MAP2K6: variants seen among roughly 807,000 people sequenced by gnomAD.
MAP2K6 encodes dual specificity mitogen-activated protein kinase kinase 6.
In MAP2K6, 16 loss-of-function variants were observed where a neutral mutation model predicts 53.7. The ratio of observed to expected loss-of-function variants is 0.30; its 90% CI spans 0.20 to 0.45. The LOEUF is 0.45. Ranked by LOEUF, MAP2K6 falls within the 20% of genes least tolerant of loss-of-function variation. The pLI, the probability that MAP2K6 is intolerant of heterozygous loss-of-function variation, is 1.00. For synonymous variants in MAP2K6, 132 were observed against 143.1 expected (o/e 0.92, Z 0.55); for missense variants, 204 against 411.9 (o/e 0.50, Z 4.37).
At position 69,550,681 on chromosome 17, in the gene MAP2K6, A is replaced by C. The variant is rs1391127863; in HGVS notation, c.*8928A>C. ...CAGACCATATTCAGTGGTGCCCCTG[A>C]GGGTCTCTTGTGAACAGAAGGGAAA... On this transcript the variant is annotated 3_prime_UTR_variant, in exon 12 of 12. Coordinates refer to ENST00000590474, the MANE Select transcript of MAP2K6 (RefSeq NM_002758.4). The C allele has an allele frequency of 6.6e-6, 1 of 152,128 alleles. No individual in the cohort carries two copies. Among genetic ancestry groups the C allele is most frequent in the African/African-American group, 2.4e-5 (1 of 41,412 alleles). The allele number at this position is 152,128 out of a possible 1,614,324, so 9.4% of individuals were successfully genotyped here. A position where few individuals can be genotyped will look rare whatever the true frequency, so the allele number is the denominator to read the frequency against.
At chr17:69,460,617 G>A (rs930813310) in intron 1 of MAP2K6, among the ~76,000 whole-genome samples, 5 of 152,158 alleles carry the variant, frequency 3.3e-5, no homozygotes, top group African/African-American at 1.2e-4. Context: ...TTTTGTTGTT[G>A]TTGTTGGGAT....
intron 11 of MAP2K6, among the ~76,000 whole-genome samples, chr17:69,536,381 G>C (rs1343875113): frequency 6.6e-6 from 1 of 152,044 alleles, no homozygotes; most frequent in Non-Finnish European, 1.5e-5. Flanking sequence ...TTTTTTCCAG[G>C]CTAATAAACC....
chr17:69,510,963 A>G (rs1347263286), intron 2 of MAP2K6, among the ~76,000 whole-genome samples: 2 of 151,460 alleles, frequency 1.3e-5, no homozygotes, highest in South Asian at 4.2e-4. Flanking sequence ...TATTTTTGCT[A>G]TTTCCTTTGG....
At chr17:69,539,552 C>T (rs12600415) in intron 11 of MAP2K6, among the ~76,000 whole-genome samples, 20,565 of 152,180 alleles carry the variant, frequency 0.14, 1,519 homozygotes, top group East Asian at 0.29. Context: ...CCCTGCCCTT[C>T]TGGCTCTCAT....
intron 1 of MAP2K6, among the ~76,000 whole-genome samples, chr17:69,424,310 CCA>C (rs1478313453): frequency 1.3e-5 from 2 of 152,186 alleles, no homozygotes; most frequent in Non-Finnish European, 2.9e-5. Flanking sequence ...GATTTGTTCA[CCA>C]CATCCAGAAT....
At chr17:69,446,298 A>T (rs1239409970) in intron 1 of MAP2K6, among the ~76,000 whole-genome samples, 1 of 152,268 alleles carries the variant, frequency 6.6e-6, no homozygotes, top group Non-Finnish European at 1.5e-5. Context: ...GAATGGGAAC[A>T]CAATACAAGG....
chr17:69,425,320 T>G (rs1567813564), intron 1 of MAP2K6, among the ~76,000 whole-genome samples: 1 of 152,026 alleles, frequency 6.6e-6, no homozygotes, highest in East Asian at 1.9e-4. Flanking sequence ...TTTTTTTTTT[T>G]GTTTTTTTCT....
chr17:69,454,764 G>T (rs1191852820), intron 1 of MAP2K6, among the ~76,000 whole-genome samples: 2 of 152,062 alleles, frequency 1.3e-5, no homozygotes, highest in Admixed American at 6.6e-5. Flanking sequence ...GGCAACATAG[G>T]ACAATTCAAA....
At chr17:69,485,485 G>A (rs1239496353) in intron 1 of MAP2K6, 1 of 981,486 alleles carries the variant, frequency 1.0e-6, no homozygotes, top group African/African-American at 1.8e-5. Flanking sequence ...TAGAGTACTG[G>A]GTAAAATTTC....
intron 1 of MAP2K6, chr17:69,505,385 G>C (rs1909409716): frequency 6.1e-6 from 1 of 164,048 alleles, no homozygotes; most frequent in Non-Finnish European, 1.3e-5. Flanking sequence ...AGAAGTTGCA[G>C]TGGGCTGAGA....
At chr17:69,475,457 C>G (rs1281256165) in intron 1 of MAP2K6, among the ~76,000 whole-genome samples, 1 of 152,146 alleles carries the variant, frequency 6.6e-6, no homozygotes, top group African/African-American at 2.4e-5. Context: ...CGTGAGCCAC[C>G]GCGCCCGGCC....
chr17:69,530,762 A>T (rs2144847814), intron 10 of MAP2K6, among the ~76,000 whole-genome samples: 1 of 152,334 alleles, frequency 6.6e-6, no homozygotes, highest in Middle Eastern at 3.4e-3. Flanking sequence ...TTTAGAGTTT[A>T]TGACTGGCCT....
At chr17:69,432,463 C>A (rs2145138555) in intron 1 of MAP2K6, among the ~76,000 whole-genome samples, 1 of 152,274 alleles carries the variant, frequency 6.6e-6, no homozygotes, top group East Asian at 1.9e-4. Context: ...CATGGAATAA[C>A]TATGCAGCCA....
chr17:69,490,891 C>G (rs569359951), intron 1 of MAP2K6, among the ~76,000 whole-genome samples: 1 of 152,070 alleles, frequency 6.6e-6, no homozygotes, highest in African/African-American at 2.4e-5. Flanking sequence ...TCTGATAGGC[C>G]CCAGTGTGTG....
intron 2 of MAP2K6, among the ~76,000 whole-genome samples, chr17:69,514,211 C>T (rs1215210627): frequency 6.6e-6 from 1 of 151,960 alleles, no homozygotes; most frequent in African/African-American, 2.4e-5. Flanking sequence ...TTCAAAGTGC[C>T]ATTACAAATT....
intron 1 of MAP2K6, among the ~76,000 whole-genome samples, chr17:69,491,239 G>T (rs1908741524): frequency 6.6e-6 from 1 of 151,982 alleles, no homozygotes; most frequent in South Asian, 2.1e-4. Flanking sequence ...TGTCTCCAGG[G>T]TTCAAGCAAT....
intron 1 of MAP2K6, among the ~76,000 whole-genome samples, chr17:69,464,463 T>C (rs980421216): frequency 7.2e-5 from 11 of 152,036 alleles, no homozygotes; most frequent in African/African-American, 2.4e-4. Context: ...CTCACTTCAA[T>C]CTCCACCTCC....
Position 69,519,522 on chromosome 17 carries a change from CTCTT to C in MAP2K6, c.366+95_366+98del, listed in dbSNP as rs1376164446. ...CGTAAATGCCTTCACAATCATGGAG[CTCTT>C]TCTTGTTTGACACATCTTGTATACG... On this transcript the variant is annotated intron_variant, in intron 5 of 11. Transcript: ENST00000590474. 7 of 1,519,806 alleles carry C rather than the reference CTCTT, an allele frequency of 4.6e-6. No homozygotes were observed. The African/African-American group carries it at 8.3e-5, about 18-fold the overall frequency. The allele number at this position is 1,519,806 out of a possible 1,614,324, so 94.1% of individuals were successfully genotyped here.
rs1041320270 is a variant in MAP2K6, at chr17:69,494,978, C to A, written c.17-10802C>A. The stretch of plus-strand genomic sequence containing the variant: ...CGAGATCGCGACATTGCACTCCAGC[C>A]TGGGCAACAAGAGCGAAACTCTGTC... On this transcript the variant is annotated intron_variant, in intron 1 of 11. Transcript: ENST00000590474. The surrounding 1 kb of genome is among the most constrained non-coding windows in gnomAD (Gnocchi z 4.2). Among the ~76,000 whole-genome samples the A allele has an allele frequency of 6.6e-6, 1 of 151,706 alleles. No individual in the cohort carries two copies.
Sources: gnomAD v4.1 joint callset for allele counts (sites outside exome capture counted in the v4.1 genomes callset) on GRCh38, gnomAD v4.1.1 for gene constraint, Gnocchi (gnomAD v3.1) non-coding constraint, MANE v1.5 for transcripts, NCBI Gene and HGNC (gene_info 2026-07-23, HGNC 2026-07-21) for gene names.